BOC: variants seen among roughly 807,000 people sequenced by gnomAD.
The protein encoded by BOC is BOC cell adhesion associated, oncogene regulated, also known as brother of CDO.
Under a neutral mutation model 112.0 loss-of-function variants are expected in BOC, and 76 were observed. The observed-to-expected ratio is 0.68, with a 90% CI of 0.56 to 0.82. BOC has a LOEUF of 0.82. Among genes scored for constraint, BOC ranks in the 40% least tolerant of loss-of-function variants. BOC has a pLI of 0.00. For missense variants in BOC, 1,309 were observed against 1,511.7 expected (o/e 0.87, Z 2.22); for synonymous variants, 580 against 599.8 (o/e 0.97, Z 0.48).
At chr3:113,284,112 C>G (rs576928223) in intron 16 of BOC, among the ~76,000 whole-genome samples, 67 of 152,244 alleles carry the variant, frequency 4.4e-4, no homozygotes, top group African/African-American at 1.5e-3. Context: ...CCCTGTATCT[C>G]CCCACCCTTC....
rs1054131080 is a variant in BOC, at chr3:113,282,616, G to A, written c.2435-795G>A. Among the ~76,000 whole-genome samples the A allele has an allele frequency of 2.6e-5, 4 of 152,122 alleles. No individual in the cohort carries two copies. The East Asian group carries it at 5.8e-4, about 22-fold the overall frequency. Reference sequence around the variant, plus strand: ...GCTCCTGCCCCGTGCAGGGGGTCCGGGTGGGGAGATTGGTTTGCGGCTCTT... The same window carrying A: ...GCTCCTGCCCCGTGCAGGGGGTCCGAGTGGGGAGATTGGTTTGCGGCTCTT... On this transcript the variant is annotated intron_variant, in intron 15 of 19. Coordinates refer to ENST00000682979, the MANE Select transcript of BOC (RefSeq NM_001378074.1).
chr3:113,240,938 T>C (rs1944210550), intron 2 of BOC, among the ~76,000 whole-genome samples: 1 of 152,294 alleles, frequency 6.6e-6, no homozygotes, highest in South Asian at 2.1e-4. Flanking sequence ...CCTAATGCCC[T>C]TAGCTTGGCT....
chr3:113,223,579 T>G (rs1299882248), intron 2 of BOC, among the ~76,000 whole-genome samples: 1 of 152,196 alleles, frequency 6.6e-6, no homozygotes, highest in Non-Finnish European at 1.5e-5. Flanking sequence ...TTTCACTCCC[T>G]AAAAATCCCT....
intron 4 of BOC, among the ~76,000 whole-genome samples, chr3:113,258,694 G>A (rs1367035289): frequency 1.3e-5 from 2 of 152,148 alleles, no homozygotes; most frequent in East Asian, 1.9e-4. Flanking sequence ...AGGGGAAGGA[G>A]ATTTGCAGCT....
At chr3:113,231,643 G>T (rs950964984) in intron 2 of BOC, among the ~76,000 whole-genome samples, 2 of 152,120 alleles carry the variant, frequency 1.3e-5, no homozygotes, top group African/African-American at 2.4e-5. Context: ...CATACTAAAG[G>T]CTCAGAAAAG....
intron 2 of BOC, among the ~76,000 whole-genome samples, chr3:113,246,484 C>T (rs1944936177): frequency 6.6e-6 from 1 of 151,990 alleles, no homozygotes; most frequent in South Asian, 2.1e-4. Context: ...CCTTTTTTCC[C>T]GAAACATTAA....
intron 2 of BOC, among the ~76,000 whole-genome samples, chr3:113,243,823 T>C (rs1422726260): frequency 6.6e-6 from 1 of 152,232 alleles, no homozygotes; most frequent in African/African-American, 2.4e-5. Context: ...GCCTCTGCTC[T>C]CATTTGCCAC....
At chr3:113,233,820 C>T (rs1943049737) in intron 2 of BOC, among the ~76,000 whole-genome samples, 1 of 151,504 alleles carries the variant, frequency 6.6e-6, no homozygotes, top group African/African-American at 2.4e-5. Flanking sequence ...CCCACCCACC[C>T]CATGCTTGGA....
intron 2 of BOC, among the ~76,000 whole-genome samples, chr3:113,243,955 G>A (rs1031559169): frequency 6.6e-5 from 10 of 152,180 alleles, no homozygotes; most frequent in African/African-American, 2.4e-4. Context: ...CACATCTTGA[G>A]CTAATTGCTT....
intron 2 of BOC, among the ~76,000 whole-genome samples, chr3:113,220,207 G>A (rs1043218499): frequency 1.3e-5 from 2 of 152,176 alleles, no homozygotes; most frequent in Non-Finnish European, 2.9e-5. Context: ...AATTCGACAG[G>A]CAGTTACCTG....
chr3:113,255,117 A>T (rs750328676), intron 4 of BOC, among the ~76,000 whole-genome samples: 1 of 152,168 alleles, frequency 6.6e-6, no homozygotes, highest in Non-Finnish European at 1.5e-5. Context: ...TAAAAAAAAA[A>T]GAAAAACTTT....
chr3:113,215,048 T>C (rs2107562051), intron 1 of BOC, among the ~76,000 whole-genome samples: 1 of 152,374 alleles, frequency 6.6e-6, no homozygotes, highest in East Asian at 1.9e-4. Context: ...GAAGTGTCTC[T>C]ACATTTTTGA....
intron 4 of BOC, among the ~76,000 whole-genome samples, chr3:113,264,502 G>A: frequency 6.6e-6 from 1 of 152,200 alleles, no homozygotes; most frequent in African/African-American, 2.4e-5. Flanking sequence ...ACACTGAGCA[G>A]CCTAGGGACT....
intron 2 of BOC, among the ~76,000 whole-genome samples, chr3:113,222,848 G>T (rs1228140202): frequency 6.6e-6 from 1 of 152,206 alleles, no homozygotes; most frequent in East Asian, 1.9e-4. Context: ...GTTGAATCTG[G>T]TTTGGAACCA....
chr3:113,273,513 A>G (rs1201571784), intron 8 of BOC, among the ~76,000 whole-genome samples, 172 bp downstream of exon 8: 1 of 152,220 alleles, frequency 6.6e-6, no homozygotes, highest in East Asian at 1.9e-4. Context: ...CACTAATGAA[A>G]ATAACCCATT....
intron 4 of BOC, among the ~76,000 whole-genome samples, chr3:113,264,157 C>T (rs1947196192): frequency 6.6e-6 from 1 of 152,184 alleles, no homozygotes; most frequent in Non-Finnish European, 1.5e-5. Context: ...GGTCAGTAAA[C>T]TCAGAGATGG....
intron 7 of BOC, 36 bp downstream of exon 7, chr3:113,272,739 TTC>T (rs1389886041): frequency 6.2e-7 from 1 of 1,605,268 alleles, no homozygotes; most frequent in Admixed American, 1.7e-5. Flanking sequence ...CTGCTTGGCC[TTC>T]TCTCTGGTCT....
At chr3:113,219,266 C>G (rs998098711) in intron 2 of BOC, among the ~76,000 whole-genome samples, 1 of 152,204 alleles carries the variant, frequency 6.6e-6, no homozygotes. Flanking sequence ...GGAGGGCAAA[C>G]TGAGGTTGGT....
intron 2 of BOC, among the ~76,000 whole-genome samples, chr3:113,222,243 A>T (rs73853788): frequency 0.11 from 16,402 of 152,194 alleles, 2,016 homozygotes; most frequent in African/African-American, 0.29. Context: ...CTGTCTTCCC[A>T]GTGCCTAAAA....
Sources: gnomAD v4.1 joint callset for allele counts (sites outside exome capture counted in the v4.1 genomes callset) on GRCh38, gnomAD v4.1.1 for gene constraint, MANE v1.5 for transcripts, NCBI Gene and HGNC (gene_info 2026-07-23, HGNC 2026-07-21) for gene names.